DPP6: variants seen among roughly 807,000 people sequenced by gnomAD.
DPP6 encodes the protein A-type potassium channel modulatory protein DPP6.
A neutral mutation model predicts 122.6 loss-of-function variants in DPP6; 69 were observed. The observed-to-expected ratio is 0.56, with a 90% confidence interval of 0.46 to 0.69. The LOEUF is 0.69. Among genes scored for constraint, DPP6 ranks in the 30% least tolerant of loss-of-function variants. The pLI, the probability that DPP6 is intolerant of heterozygous loss-of-function variation, is 0.00. For missense variants in DPP6, 928 were observed against 1,116.9 expected, an observed-to-expected ratio of 0.83 and a Z score of 2.41; for synonymous variants, 418 against 433.1, an observed-to-expected ratio of 0.97 and a Z score of 0.43.
intron 1 of DPP6, among the ~76,000 whole-genome samples, chr7:154,090,515 A>G (rs1215392173): frequency 6.6e-6 from 1 of 152,222 alleles, no homozygotes; most frequent in Non-Finnish European, 1.5e-5. Context: ...AAAACCTTGA[A>G]AAATGTTTCA....
chr7:154,462,786 G>A (rs996142458), intron 2 of DPP6, among the ~76,000 whole-genome samples: 31 of 149,840 alleles, frequency 2.1e-4, no homozygotes, highest in African/African-American at 6.2e-4. Flanking sequence ...ATCTCCTAAC[G>A]CTATCCCTCC....
chr7:154,299,005 G>C (rs115835743), intron 1 of DPP6, among the ~76,000 whole-genome samples: 1,857 of 152,310 alleles, frequency 0.012, 30 homozygotes, highest in African/African-American at 0.041. Context: ...TAATTCCCCA[G>C]GGTTAGATTA....
At chr7:154,290,244 A>G (rs191260227) in intron 1 of DPP6, among the ~76,000 whole-genome samples, 137 of 152,300 alleles carry the variant, frequency 9.0e-4, no homozygotes, top group Non-Finnish European at 1.5e-3. Context: ...TGTTCTCTCA[A>G]TGATACCTTG....
chr7:154,652,190 A>G (rs1016431607), intron 6 of DPP6, among the ~76,000 whole-genome samples: 4 of 152,130 alleles, frequency 2.6e-5, no homozygotes, highest in Non-Finnish European at 5.9e-5. Flanking sequence ...AGGCAGAGCC[A>G]CTGGAACACA....
intron 7 of DPP6, among the ~76,000 whole-genome samples, chr7:154,709,418 C>A (rs116498025): frequency 6.6e-6 from 1 of 151,910 alleles, no homozygotes; most frequent in South Asian, 2.1e-4. Context: ...TGGAGTCTTA[C>A]CGTGTTGCAC....
chr7:154,735,191 T>G (rs1319092672), intron 8 of DPP6, among the ~76,000 whole-genome samples: 3 of 152,204 alleles, frequency 2.0e-5, no homozygotes, highest in Non-Finnish European at 4.4e-5. Flanking sequence ...GTTGAACACC[T>G]CTTCAAGAGC....
intron 1 of DPP6, among the ~76,000 whole-genome samples, chr7:154,011,422 CCATTGCACAATAGG>C (rs1360117113): frequency 5.9e-5 from 9 of 152,138 alleles, no homozygotes; most frequent in Non-Finnish European, 1.3e-4. Flanking sequence ...TTGGGCCGTT[CCATTGCACAATAGG>C]CAGTTGAAAT....
the DPP6 span, among the ~76,000 whole-genome samples, chr7:153,756,712 A>G: frequency 3.9e-5 from 6 of 151,944 alleles, no homozygotes; most frequent in African/African-American, 1.2e-4. Context: ...TTATCACCCA[A>G]AACTTAAATC....
intron 1 of DPP6, among the ~76,000 whole-genome samples, chr7:154,435,134 G>A (rs1818751296): frequency 6.6e-6 from 1 of 152,282 alleles, no homozygotes; most frequent in Non-Finnish European, 1.5e-5. Flanking sequence ...ACCATTCCTG[G>A]CTGAGAATTT....
intron 8 of DPP6, among the ~76,000 whole-genome samples, chr7:154,733,841 C>T (rs1457286581): frequency 3.9e-5 from 6 of 152,194 alleles, no homozygotes; most frequent in African/African-American, 1.2e-4. Flanking sequence ...CTCTCTAAAT[C>T]CCATGAAAGC....
intron 8 of DPP6, among the ~76,000 whole-genome samples, chr7:154,737,446 A>G (rs966630270): frequency 1.3e-5 from 2 of 152,138 alleles, no homozygotes; most frequent in African/African-American, 4.8e-5. Context: ...TAAATAGTTG[A>G]TATGCTGTAT....
chr7:154,783,060 C>T (rs181871698), intron 10 of DPP6, among the ~76,000 whole-genome samples: 11 of 152,208 alleles, frequency 7.2e-5, no homozygotes, highest in Non-Finnish European at 8.8e-5. Flanking sequence ...CTGGGACATG[C>T]GGTTCCTAAC....
intron 1 of DPP6, among the ~76,000 whole-genome samples, chr7:153,985,637 C>T (rs1796807613): frequency 6.6e-6 from 1 of 152,154 alleles, no homozygotes; most frequent in Admixed American, 6.5e-5. Flanking sequence ...TATTGACAGG[C>T]ATTGAGTAAA....
Position 154,280,197 on chromosome 7 carries a change from T to TA in DPP6, c.244-166010dup, listed in dbSNP as rs1185038112. Reference sequence around the variant, plus strand: ...ATTTAATGTTTTTACTGTTTTTTTATAAAAAAAGGTTTCTATTACAGTGTT... The same window carrying TA: ...ATTTAATGTTTTTACTGTTTTTTTATAAAAAAAAGGTTTCTATTACAGTGTT... On this transcript the variant is annotated intron_variant, in intron 1 of 25. Coordinates refer to ENST00000377770, the MANE Select transcript of DPP6 (RefSeq NM_130797.4). Among the ~76,000 whole-genome samples, 9 of 151,798 alleles carry TA rather than the reference T, an allele frequency of 5.9e-5. No homozygotes were observed. In the East Asian group the frequency reaches 7.7e-4, roughly 13 times the overall value.
At chr7:154,137,238 C>T (rs1795601311) in intron 1 of DPP6, among the ~76,000 whole-genome samples, 1 of 152,112 alleles carries the variant, frequency 6.6e-6, no homozygotes, top group African/African-American at 2.4e-5. Flanking sequence ...AGTTTGGGGC[C>T]ACCTCTTTGC....
At chr7:154,837,777 A>G (rs1801202896) in intron 16 of DPP6, among the ~76,000 whole-genome samples, 1 of 152,154 alleles carries the variant, frequency 6.6e-6, no homozygotes, top group Non-Finnish European at 1.5e-5. Flanking sequence ...TGGAGGGAAA[A>G]CTAAACCACG....
chr7:154,390,250 G>T (rs1483668899), intron 1 of DPP6, among the ~76,000 whole-genome samples: 4 of 152,174 alleles, frequency 2.6e-5, no homozygotes, highest in Admixed American at 6.6e-5. Flanking sequence ...AGTAAGACAG[G>T]TTCAGTATTC....
intron 17 of DPP6, chr7:154,858,616 C>G (rs1803039781): frequency 6.6e-6 from 1 of 152,386 alleles, no homozygotes; most frequent in Admixed American, 6.5e-5. Flanking sequence ...CCTTCTCCTG[C>G]TCTGAGAAGC....
At chr7:154,292,268 C>T (rs1001840059) in intron 1 of DPP6, among the ~76,000 whole-genome samples, 1 of 152,050 alleles carries the variant, frequency 6.6e-6, no homozygotes, top group Non-Finnish European at 1.5e-5. Flanking sequence ...TTCTGGTCCC[C>T]CACAAGTTTC....
Sources: gnomAD v4.1 joint callset for allele counts (sites outside exome capture counted in the v4.1 genomes callset) on GRCh38, gnomAD v4.1.1 for gene constraint, MANE v1.5 for transcripts, NCBI Gene and HGNC (gene_info 2026-07-23, HGNC 2026-07-21) for gene names.